The following SORCS1 variants were observed in gnomAD, a reference collection of about 807,000 sequenced individuals.
SORCS1 encodes VPS10 domain-containing receptor SorCS1.
SORCS1 carries 60 observed loss-of-function variants against 146.1 expected under a neutral mutation model. The observed-to-expected ratio is 0.41, with a 90% CI of 0.33 to 0.51. The LOEUF (loss-of-function observed/expected upper bound fraction) is 0.51, where lower values mean the gene tolerates loss of function less well. SORCS1 is among the 20% of genes least tolerant of loss of function. SORCS1 has a pLI of 0.21. For synonymous variants in SORCS1, 637 were observed against 584.0 expected (o/e 1.09, Z -1.31); for missense variants, 1,352 against 1,487.6 (o/e 0.91, Z 1.50).
At position 106,822,802 on chromosome 10, in the gene SORCS1, T is replaced by TTTTTTTTTTTTTTTTTTTTTG. The variant is rs994708912; in HGVS notation, c.726+6771_726+6772insCAAAAAAAAAAAAAAAAAAAA. Among the ~76,000 whole-genome samples, 16 of 140,190 alleles carry TTTTTTTTTTTTTTTTTTTTTG rather than the reference T, an allele frequency of 1.1e-4. 1 individual carries two copies. Among genetic ancestry groups the TTTTTTTTTTTTTTTTTTTTTG allele is most frequent in the African/African-American group, 3.7e-4 (13 of 35,226 alleles). The allele number at this position is 140,190 out of a possible 152,430, so 92.0% of individuals were successfully genotyped here. A position where few individuals can be genotyped will look rare whatever the true frequency, so the allele number is the denominator to read the frequency against. ...GTGTGGTTTTTTTTTTTTTTTTTTT[T>TTTTTTTTTTTTTTTTTTTTTG]GAATATTGCTCTGTTGTGCCCAGGC... On this transcript the variant is annotated intron_variant, in intron 3 of 25. Coordinates refer to ENST00000263054, the MANE Select transcript of SORCS1 (RefSeq NM_052918.5).
intron 5 of SORCS1, among the ~76,000 whole-genome samples, chr10:106,751,232 C>T (rs760480397): frequency 6.6e-6 from 1 of 151,916 alleles, no homozygotes; most frequent in Non-Finnish European, 1.5e-5. Flanking sequence ...GCACTAGAAA[C>T]GCCTCAGTAG....
intron 24 of SORCS1, among the ~76,000 whole-genome samples, chr10:106,590,261 A>C (rs1261938931): frequency 1.3e-5 from 2 of 152,160 alleles, no homozygotes; most frequent in Non-Finnish European, 2.9e-5. Flanking sequence ...AATCTTCTGC[A>C]TAGAACATTT....
chr10:106,824,513 C>T (rs559242431), intron 3 of SORCS1, among the ~76,000 whole-genome samples: 4 of 149,646 alleles, frequency 2.7e-5, no homozygotes, highest in East Asian at 2.0e-4. Flanking sequence ...TTTTTGAACC[C>T]GGGAGGCGGA....
chr10:106,927,164 C>A (rs990889376), intron 2 of SORCS1, among the ~76,000 whole-genome samples: 14 of 152,086 alleles, frequency 9.2e-5, no homozygotes, highest in Non-Finnish European at 2.1e-4. Flanking sequence ...TCACTGACTT[C>A]AAGAATGAAG....
chr10:107,038,453 A>T (rs559053193), intron 1 of SORCS1, among the ~76,000 whole-genome samples: 2 of 151,934 alleles, frequency 1.3e-5, no homozygotes, highest in Non-Finnish European at 1.5e-5. Context: ...TGACGAGTTA[A>T]TGGGTGCAGC....
chr10:107,152,355 C>T (rs1968878375), intron 1 of SORCS1, among the ~76,000 whole-genome samples: 1 of 152,122 alleles, frequency 6.6e-6, no homozygotes, highest in Non-Finnish European at 1.5e-5. Context: ...ATGCAAAGTC[C>T]CCATGGGGCA....
At chr10:107,118,336 C>G (rs1033025982) in intron 1 of SORCS1, among the ~76,000 whole-genome samples, 11 of 152,268 alleles carry the variant, frequency 7.2e-5, no homozygotes, top group African/African-American at 2.6e-4. Context: ...ATAAGCCACC[C>G]AGGTTATGTT....
chr10:106,778,367 C>T (rs1232189469), intron 3 of SORCS1, among the ~76,000 whole-genome samples: 1 of 152,116 alleles, frequency 6.6e-6, no homozygotes, highest in Non-Finnish European at 1.5e-5. Flanking sequence ...AGGAAAGCCA[C>T]TGCCCACCAA....
chr10:106,848,134 T>C (rs1378165822), intron 2 of SORCS1, among the ~76,000 whole-genome samples: 2 of 92,062 alleles, frequency 2.2e-5, no homozygotes, highest in Non-Finnish European at 4.5e-5. Flanking sequence ...AATTCCTGGG[T>C]ATCCTTGTTG....
At chr10:106,865,111 A>C (rs1481397705) in intron 2 of SORCS1, among the ~76,000 whole-genome samples, 1 of 152,132 alleles carries the variant, frequency 6.6e-6, no homozygotes, top group Non-Finnish European at 1.5e-5. Context: ...CCCCTGGCAC[A>C]GCACAGCTGC....
At chr10:107,175,516 C>T in the SORCS1 span, among the ~76,000 whole-genome samples, 1 of 152,154 alleles carries the variant, frequency 6.6e-6, no homozygotes, top group Non-Finnish European at 1.5e-5. Flanking sequence ...TGGCTCACTG[C>T]AACCTCTGCC....
intron 1 of SORCS1, among the ~76,000 whole-genome samples, chr10:107,111,240 C>A (rs1965677709): frequency 6.6e-6 from 1 of 152,122 alleles, no homozygotes; most frequent in Admixed American, 6.5e-5. Flanking sequence ...TGGAGATCTA[C>A]AAATTTCCTT....
chr10:107,117,499 C>T (rs1463633106), intron 1 of SORCS1, among the ~76,000 whole-genome samples: 1 of 152,074 alleles, frequency 6.6e-6, no homozygotes, highest in East Asian at 1.9e-4. Context: ...GTCATGAGTA[C>T]CCAGGAAAGC....
chr10:106,612,216 C>A (rs573715551), intron 21 of SORCS1, among the ~76,000 whole-genome samples, 193 bp from the exon 22 acceptor site: 4 of 151,852 alleles, frequency 2.6e-5, no homozygotes, highest in Admixed American at 2.6e-4. Context: ...TTTTAAGGAG[C>A]GGAGAGTTTA....
chr10:107,002,682 C>A (rs1229777877), intron 1 of SORCS1, among the ~76,000 whole-genome samples: 1 of 152,160 alleles, frequency 6.6e-6, no homozygotes, highest in Non-Finnish European at 1.5e-5. Context: ...AAAATCCAGG[C>A]TGCATTCCAC....
intron 1 of SORCS1, among the ~76,000 whole-genome samples, chr10:107,078,100 T>C (rs571869404): frequency 1.3e-5 from 2 of 152,266 alleles, no homozygotes; most frequent in Admixed American, 6.5e-5. Context: ...TAAATATTAG[T>C]TTCAAAGTGT....
At chr10:106,658,761 C>T (rs1850494716) in intron 17 of SORCS1, among the ~76,000 whole-genome samples, 1 of 152,154 alleles carries the variant, frequency 6.6e-6, no homozygotes, top group Non-Finnish European at 1.5e-5. Flanking sequence ...AACTATAGAT[C>T]TCTCACATGA....
intron 5 of SORCS1, among the ~76,000 whole-genome samples, chr10:106,736,089 G>A (rs2756242): frequency 0.78 from 118,031 of 152,124 alleles, 46,809 homozygotes; most frequent in Non-Finnish European, 0.87. Context: ...ACATAGCAGC[G>A]CAACATCAGC....
At chr10:107,172,638 G>C in the SORCS1 span, among the ~76,000 whole-genome samples, 1 of 152,184 alleles carries the variant, frequency 6.6e-6, no homozygotes, top group Non-Finnish European at 1.5e-5. Flanking sequence ...TGCAGGCACA[G>C]AGAAGACAGT....
Sources: gnomAD v4.1 joint callset for allele counts (sites outside exome capture counted in the v4.1 genomes callset) on GRCh38, gnomAD v4.1.1 for gene constraint, MANE v1.5 for transcripts, NCBI Gene and HGNC (gene_info 2026-07-23, HGNC 2026-07-21) for gene names.